Variants in MYO3B observed in about 807,000 individuals in gnomAD.
MYO3B encodes myosin-IIIb.
Under a neutral mutation model 174.6 loss-of-function variants are expected in MYO3B, and 156 were observed. The ratio of observed to expected loss-of-function variants is 0.89; its 90% CI spans 0.78 to 1.02. MYO3B has a LOEUF of 1.02. Among genes scored for constraint, MYO3B ranks in the 50% least tolerant of loss-of-function variants. The probability of loss-of-function intolerance (pLI) is 0.00; values close to 1 mark genes in which losing one functional copy is unlikely to be tolerated. For synonymous variants in MYO3B, 563 were observed against 569.1 expected (o/e 0.99, Z 0.15); for missense variants, 1,632 against 1,639.4 (o/e 1.00, Z 0.08).
chr2:170,484,265 T>TA (rs957454290), intron 25 of MYO3B, among the ~76,000 whole-genome samples: 2 of 152,174 alleles, frequency 1.3e-5, no homozygotes, highest in African/African-American at 4.8e-5. Context: ...AGCTCAAAGT[T>TA]ACACAGAGAG....
intron 22 of MYO3B, among the ~76,000 whole-genome samples, chr2:170,436,305 A>G (rs545548419): frequency 6.6e-6 from 1 of 152,338 alleles, no homozygotes; most frequent in South Asian, 2.1e-4. Flanking sequence ...AAGTGTGAAC[A>G]CTATTTACAT....
At position 170,383,696 on chromosome 2, in the gene MYO3B, T is replaced by C; in HGVS notation, c.1186-14T>C. The C allele has an allele frequency of 2.5e-6, 4 of 1,599,624 alleles. No homozygotes were observed. The highest frequency in any genetic ancestry group is 3.4e-6 in the Non-Finnish European group (4 of 1,166,756). On this transcript the variant is annotated splice_polypyrimidine_tract_variant and intron_variant, in intron 11 of 34. Transcript: ENST00000408978. Reference sequence around the variant, plus strand: ...GGTCCAGGGGAGAGTTTCCTTTAATTATTTTTCCTTCAGTTTTCCAGACTT... The same window carrying C: ...GGTCCAGGGGAGAGTTTCCTTTAATCATTTTTCCTTCAGTTTTCCAGACTT...
chr2:170,452,992 A>G (rs1317507945), intron 23 of MYO3B, among the ~76,000 whole-genome samples: 2 of 152,230 alleles, frequency 1.3e-5, no homozygotes, highest in African/African-American at 4.8e-5. Context: ...AGAGTAGCCA[A>G]TTTTGAGCTT....
intron 8 of MYO3B, among the ~76,000 whole-genome samples, chr2:170,365,041 T>G (rs920016632): frequency 6.6e-6 from 1 of 152,202 alleles, no homozygotes; most frequent in Non-Finnish European, 1.5e-5. Flanking sequence ...TTCAATTTAG[T>G]TCCAAAACTT....
intron 22 of MYO3B, among the ~76,000 whole-genome samples, chr2:170,424,497 G>A (rs2094645308): frequency 6.6e-6 from 1 of 152,032 alleles, no homozygotes; most frequent in African/African-American, 2.4e-5. Flanking sequence ...CGTGCCTGTG[G>A]TCCTGGCTAC....
intron 1 of MYO3B, among the ~76,000 whole-genome samples, chr2:170,193,040 A>C (rs2113653): frequency 0.48 from 73,128 of 151,542 alleles, 18,121 homozygotes; most frequent in Admixed American, 0.54. Flanking sequence ...CTAATAGGTT[A>C]ATCTTTTTAT....
chr2:170,315,459 C>T (rs894219066), intron 7 of MYO3B, among the ~76,000 whole-genome samples: 4 of 151,058 alleles, frequency 2.6e-5, no homozygotes, highest in African/African-American at 9.8e-5. Flanking sequence ...GCATGCACCA[C>T]CACACCTAGC....
chr2:170,555,658 G>C (rs1046192624), intron 32 of MYO3B, among the ~76,000 whole-genome samples: 2 of 151,936 alleles, frequency 1.3e-5, no homozygotes, highest in Admixed American at 6.6e-5. Context: ...GATTGCCTGA[G>C]GCCAAGAGTT....
chr2:170,236,208 G>T, intron 7 of MYO3B, 72 bp downstream of exon 7: 5 of 1,533,646 alleles, frequency 3.3e-6, no homozygotes, highest in Non-Finnish European at 2.7e-6. Flanking sequence ...ATAATAAATA[G>T]TTTGCAAGCA....
chr2:170,636,310 A>C (rs929486949), intron 32 of MYO3B, among the ~76,000 whole-genome samples: 1 of 152,188 alleles, frequency 6.6e-6, no homozygotes, highest in Non-Finnish European at 1.5e-5. Context: ...AGCACTTTGA[A>C]GATAACCTAA....
At chr2:170,311,048 A>T (rs1220130105) in intron 7 of MYO3B, among the ~76,000 whole-genome samples, 3 of 152,044 alleles carry the variant, frequency 2.0e-5, no homozygotes, top group African/African-American at 7.2e-5. Flanking sequence ...GGCTGTTTCC[A>T]CCTTTTGTCT....
chr2:170,629,135 T>C (rs1696716985), intron 32 of MYO3B, among the ~76,000 whole-genome samples: 1 of 152,268 alleles, frequency 6.6e-6, no homozygotes, highest in African/African-American at 2.4e-5. Flanking sequence ...ATTAATACAC[T>C]GTCTCAGACA....
intron 32 of MYO3B, among the ~76,000 whole-genome samples, chr2:170,645,263 G>A (rs990881907): frequency 6.6e-6 from 1 of 152,110 alleles, no homozygotes; most frequent in Non-Finnish European, 1.5e-5. Context: ...TTGAGGTCAG[G>A]AGTTCGAGAC....
At chr2:170,360,864 C>T (rs1326202527) in intron 8 of MYO3B, among the ~76,000 whole-genome samples, 1 of 152,192 alleles carries the variant, frequency 6.6e-6, no homozygotes, top group Non-Finnish European at 1.5e-5. Flanking sequence ...CAGCCCTCAC[C>T]AGACAACTGA....
At chr2:170,271,316 T>C (rs2093423643) in intron 7 of MYO3B, among the ~76,000 whole-genome samples, 1 of 152,188 alleles carries the variant, frequency 6.6e-6, no homozygotes, top group Admixed American at 6.5e-5. Context: ...CACATTTCCT[T>C]CAACAAAATG....
intron 7 of MYO3B, among the ~76,000 whole-genome samples, chr2:170,258,013 CAG>C: frequency 6.6e-6 from 1 of 152,190 alleles, no homozygotes; most frequent in East Asian, 1.9e-4. Flanking sequence ...AAAATTGAAT[CAG>C]AAATTAATTG....
At chr2:170,533,608 C>T (rs952558439) in intron 30 of MYO3B, among the ~76,000 whole-genome samples, 6 of 152,056 alleles carry the variant, frequency 3.9e-5, no homozygotes, top group African/African-American at 2.4e-5. Flanking sequence ...AGACTCCAGC[C>T]GAAGGAAAAG....
intron 6 of MYO3B, among the ~76,000 whole-genome samples, chr2:170,233,026 T>C (rs1340045504): frequency 6.6e-6 from 1 of 152,234 alleles, no homozygotes; most frequent in Admixed American, 6.5e-5. Flanking sequence ...AATGTTAGAA[T>C]ATCTCCATTT....
intron 25 of MYO3B, among the ~76,000 whole-genome samples, chr2:170,480,329 T>C (rs1293550571): frequency 6.6e-6 from 1 of 152,130 alleles, no homozygotes; most frequent in Non-Finnish European, 1.5e-5. Flanking sequence ...GTCATGAAGC[T>C]TCAGTGATAA....
Sources: allele counts gnomAD v4.1 joint callset (sites outside exome capture counted in the v4.1 genomes callset), GRCh38; gene constraint gnomAD v4.1.1; transcripts MANE v1.5; gene names NCBI Gene and HGNC (gene_info 2026-07-23, HGNC 2026-07-21).